The following FANCD2 variants were observed in gnomAD, a reference collection of about 807,000 sequenced individuals.
FANCD2 encodes the protein Fanconi anemia group D2 protein.
In FANCD2, 131 loss-of-function variants were observed where a neutral mutation model predicts 192.3. That is an observed-to-expected ratio of 0.68 (90% CI 0.59 to 0.79). The LOEUF (loss-of-function observed/expected upper bound fraction) is 0.79. Among genes scored for constraint, FANCD2 ranks in the 30% least tolerant of loss-of-function variants. The pLI is 0.00. For missense variants in FANCD2, 1,508 were observed against 1,701.6 expected, an observed-to-expected ratio of 0.89 and a Z score of 2.00; for synonymous variants, 524 against 612.5, an observed-to-expected ratio of 0.86 and a Z score of 2.13.
Position 10,039,073 on chromosome 3 carries a change from T to C in FANCD2, c.492-206T>C, listed in dbSNP as rs574190464. ...ATGTAGTCACTGTTCATATTTAGCA[T>C]GTCTTCTAGACATTTTTCTTAACAT... On this transcript the variant is annotated intron_variant, in intron 7 of 43. Coordinates refer to ENST00000675286, the MANE Select transcript of FANCD2 (RefSeq NM_001018115.3). Among the ~76,000 whole-genome samples the C allele has an allele frequency of 2.0e-5, 3 of 152,356 alleles. No individual in the cohort carries two copies. In the South Asian group the frequency reaches 6.2e-4, roughly 32 times the overall value.
rs773716319 is a variant in FANCD2 at position 10,090,443 on chromosome 3, A to ATTTT, written c.3777+83_3777+86dup. ...ACTTTGGATTACTTGGAAGTTGCTG[A>ATTTT]TTTTTTTTTTTTTTTTTTTTTTTTT... On this transcript the variant is annotated intron_variant, in intron 37 of 43. Coordinates refer to ENST00000675286, the MANE Select transcript of FANCD2 (RefSeq NM_001018115.3). 2.1e-3 allele frequency: 716 copies of ATTTT among 341,522 alleles called. 5 individuals are homozygous for ATTTT. The highest frequency in any genetic ancestry group is 5.2e-3 in the Middle Eastern group (6 of 1,150). The allele number at this position is 341,522 out of a possible 1,614,324, so 21.2% of individuals were successfully genotyped here. A position where few individuals can be genotyped will look rare whatever the true frequency, so the allele number is the denominator to read the frequency against.
chr3:10,034,809 G>A lies in FANCD2; in HGVS notation c.377+11G>A, dbSNP rs1474107486. 1 of 1,541,080 alleles carries A rather than the reference G, an allele frequency of 6.5e-7. No individual in the cohort carries two copies. Among genetic ancestry groups the A allele is most frequent in the Admixed American group, 2.0e-5 (1 of 51,064 alleles). ...GGATGAGGAAGCCAGGTGTGGAGAG[G>A]AGGCATGGAATCTTGCTGAAATTCA... On this transcript the variant is annotated intron_variant, in intron 5 of 43. Transcript: ENST00000675286.
intron 12 of FANCD2, 51 bp from the exon 13 acceptor site, chr3:10,043,433 T>A (rs1340727169): frequency 6.9e-6 from 10 of 1,442,718 alleles, no homozygotes. Flanking sequence ...ATCTTGTAAG[T>A]TCTTTTCTGG....
chr3:10,046,419 T>C lies in FANCD2; in HGVS notation c.1135-161T>C, dbSNP rs1452801103. The C allele has an allele frequency of 2.5e-6, 3 of 1,211,034 alleles. No homozygotes were observed. In the African/African-American group the frequency reaches 4.6e-5, roughly 19 times the overall value. 75.0% of individuals were successfully genotyped at this position (1,211,034 alleles called of 1,614,324 possible). A position where few individuals can be genotyped will look rare whatever the true frequency, so the allele number is the denominator to read the frequency against. On this transcript the variant is annotated intron_variant, in intron 14 of 43. Transcript: ENST00000675286. The stretch of plus-strand genomic sequence containing the variant: ...GCACTTTATTTATCTGAAAAATATT[T>C]CTGAGTTTTGTGAAAAGTGTAGATA...
intron 9 of FANCD2, chr3:10,040,698 A>C (rs889911256): frequency 2.7e-6 from 1 of 376,628 alleles, no homozygotes; most frequent in Admixed American, 3.7e-5. Context: ...TTTTTATTGT[A>C]CTAGAAGTAT....
At chr3:10,088,683 C>T (rs982259285) in intron 35 of FANCD2, 141 bp downstream of exon 35, 7 of 1,098,144 alleles carry the variant, frequency 6.4e-6, no homozygotes, top group East Asian at 4.8e-5. Context: ...CAATTTGGAA[C>T]ATGTGGATCT....
chr3:10,076,522 A>T (rs1237045456), intron 29 of FANCD2, among the ~76,000 whole-genome samples: 1 of 152,098 alleles, frequency 6.6e-6, no homozygotes, highest in Non-Finnish European at 1.5e-5. Context: ...TTTATATGAG[A>T]TGGGTGCAGT....
intron 41 of FANCD2, among the ~76,000 whole-genome samples, chr3:10,095,564 T>A (rs1038556364): frequency 1.3e-5 from 2 of 152,204 alleles, no homozygotes; most frequent in African/African-American, 4.8e-5. Context: ...CAAAGTCCTC[T>A]AGGTAACAGG....
At position 10,082,003 on chromosome 3, in the gene FANCD2, C is replaced by T. The variant is rs772367491; in HGVS notation, c.3224+539C>T. Among the ~76,000 whole-genome samples the T allele has an allele frequency of 3.9e-5, 6 of 152,306 alleles. No individual in the cohort carries two copies. The South Asian group carries it at 1.2e-3, about 32-fold the overall frequency. Reference sequence around the variant, plus strand: ...TATACAAGATTTCTGGTCAATCCTACCCAAGCTTAAATTTAGCCAAAATTT... The same window carrying T: ...TATACAAGATTTCTGGTCAATCCTATCCAAGCTTAAATTTAGCCAAAATTT... On this transcript the variant is annotated intron_variant, in intron 32 of 43. Coordinates refer to ENST00000675286, the MANE Select transcript of FANCD2 (RefSeq NM_001018115.3).
At chr3:10,066,602 C>T (rs1453420433) in intron 25 of FANCD2, among the ~76,000 whole-genome samples, 1 of 152,214 alleles carries the variant, frequency 6.6e-6, no homozygotes, top group African/African-American at 2.4e-5. Context: ...GTTAAAGACT[C>T]AGCCAAGGTC....
At chr3:10,060,735 G>T (rs1401430534) in intron 19 of FANCD2, among the ~76,000 whole-genome samples, 1 of 152,188 alleles carries the variant, frequency 6.6e-6, no homozygotes, top group Non-Finnish European at 1.5e-5. Flanking sequence ...ACTAGACAAT[G>T]CAGGTGTCTA....
chr3:10,031,939 C>T lies in FANCD2; in HGVS notation c.65-893C>T, dbSNP rs149086979. Among the ~76,000 whole-genome samples the T allele has an allele frequency of 3.0e-3, 455 of 152,172 alleles. 1 individual carries two copies. Among genetic ancestry groups the T allele is most frequent in the Non-Finnish European group, 4.9e-3 (336 of 68,004 alleles). ...TGGGCTCACTGCAACCTCTGCCTCC[C>T]GGGTTCAAGTGATTCTCCTCCTCAG... On this transcript the variant is annotated intron_variant, in intron 2 of 43. Coordinates refer to ENST00000675286, the MANE Select transcript of FANCD2 (RefSeq NM_001018115.3).
At chr3:10,033,504 ATTAT>A (rs1337361020) in intron 3 of FANCD2, among the ~76,000 whole-genome samples, 1 of 152,010 alleles carries the variant, frequency 6.6e-6, no homozygotes, top group African/African-American at 2.4e-5. Context: ...AATATTATAT[ATTAT>A]TTATTTTGTG....
intron 18 of FANCD2, among the ~76,000 whole-genome samples, chr3:10,053,519 C>G (rs1239321456): frequency 6.9e-6 from 1 of 144,054 alleles, no homozygotes; most frequent in African/African-American, 2.7e-5. Flanking sequence ...CTAAAACTTA[C>G]AGTATAATAA....
intron 29 of FANCD2, among the ~76,000 whole-genome samples, chr3:10,074,992 A>G (rs777481665): frequency 1.3e-5 from 2 of 152,116 alleles, no homozygotes; most frequent in Admixed American, 6.6e-5. Flanking sequence ...TTAGAAGTCA[A>G]TGCCCTTTTC....
At chr3:10,057,186 G>C (rs777797004) in intron 18 of FANCD2, among the ~76,000 whole-genome samples, 1 of 151,994 alleles carries the variant, frequency 6.6e-6, no homozygotes, top group African/African-American at 2.4e-5. Flanking sequence ...GGTTTTTGTC[G>C]TTTTGAGGTA....
chr3:10,081,149 C>G lies in FANCD2; in HGVS notation c.3026C>G (p.Ala1009Gly), dbSNP rs2125059529. 2 of 1,614,000 alleles carry G rather than the reference C, an allele frequency of 1.2e-6. No individual in the cohort carries two copies. The highest frequency in any genetic ancestry group is 1.1e-5 in the South Asian group (1 of 91,072). The change falls in exon 31 of 44, where the codon GCC becomes GGC. Residue 1009 changes from alanine to glycine, a missense_variant. Around this residue, in one of 5 missense-constraint regions of FANCD2, gnomAD observed 796 missense variants for 879.4 expected, o/e 0.91. Coordinates refer to ENST00000675286, the MANE Select transcript of FANCD2 (RefSeq NM_001018115.3). ...IGFSHLQQRS[A>G]QEIVHCVFQL... ...TTCTCACATCTCCAACAGAGATCTG[C>G]CCAAGAAATTGTTCATTGTGTTTTT...
chr3:10,090,225 G>T (rs1694502890), intron 36 of FANCD2, 67 bp from the exon 37 acceptor site: 5 of 1,214,142 alleles, frequency 4.1e-6, no homozygotes, highest in Non-Finnish European at 6.1e-6. Context: ...TTTGGTTCCT[G>T]GTTCTTCCCA....
rs1360625053 is a variant in FANCD2, at chr3:10,095,082, A to G, written c.3964-118A>G. 6.1e-6 allele frequency: 5 copies of G among 815,918 alleles called. No homozygotes were observed. In the Admixed American group the frequency reaches 1.0e-4, roughly 16 times the overall value. The allele number at this position is 815,918 out of a possible 1,614,324, so 50.5% of individuals were successfully genotyped here. A position where few individuals can be genotyped will look rare whatever the true frequency, so the allele number is the denominator to read the frequency against. ...TGAGAGGCAAATTAAGATGATTATC[A>G]GCATAGGCTGGAAACTGCAGAGTTT... On this transcript the variant is annotated intron_variant, in intron 40 of 43. Transcript: ENST00000675286.
Sources: gnomAD v4.1 joint callset for allele counts (sites outside exome capture counted in the v4.1 genomes callset) on GRCh38, gnomAD v4.1.1 for gene constraint, gnomAD v4.1.1 regional missense constraint, MANE v1.5 for transcripts, NCBI Gene and HGNC (gene_info 2026-07-23, HGNC 2026-07-21) for gene names.